The following WDPCP variants were observed in gnomAD, a reference collection of about 807,000 sequenced individuals.
WDPCP encodes the protein WD repeat-containing and planar cell polarity effector protein fritz homolog.
WDPCP carries 71 observed loss-of-function variants against 93.1 expected under a neutral mutation model. The observed-to-expected ratio is 0.76, with a 90% CI of 0.63 to 0.93. The LOEUF (loss-of-function observed/expected upper bound fraction) is 0.93, where lower values mean the gene tolerates loss of function less well. WDPCP is among the 40% of genes least tolerant of loss of function. The probability of loss-of-function intolerance (pLI) is 0.00; values close to 1 mark genes in which losing one functional copy is unlikely to be tolerated. For synonymous variants in WDPCP, 315 were observed against 315.0 expected (o/e 1.00, Z 0.00); for missense variants, 844 against 887.4 (o/e 0.95, Z 0.62).
In WDPCP at chr2:63,700,315, AAAG is replaced by A. The variant is rs1669028940; in HGVS notation, n.309-49480_309-49478del. On this transcript the variant is annotated intron_variant and non_coding_transcript_variant, in intron 2 of 4. Coordinates refer to the WDPCP transcript ENST00000467687. ...AAAAAAAAAAAAAACAAAAAGAAAA[AAAG>A]AAAAAAATGCTGTGCTAGAGCTACT... 2.0e-5 allele frequency among the ~76,000 whole-genome samples: 3 copies of A among 151,562 alleles called. 1 individual carries two copies. In the South Asian group the frequency reaches 6.3e-4, roughly 32 times the overall value.
At chr2:63,762,478 TTTAGTCCCA>T (rs1415393400) in intron 2 of WDPCP, among the ~76,000 whole-genome samples, 20 of 152,298 alleles carry the variant, frequency 1.3e-4, no homozygotes, top group African/African-American at 4.8e-4. Context: ...ATGTATGGTC[TTTAGTCCCA>T]TTTTCTGTTG....
intron 2 of WDPCP, among the ~76,000 whole-genome samples, chr2:63,668,707 G>A (rs183794355): frequency 1.1e-3 from 170 of 152,238 alleles, no homozygotes; most frequent in African/African-American, 3.9e-3. Flanking sequence ...GCTTTCCAGG[G>A]TAAACTGAAG....
chr2:63,278,480 G>C (rs1683253046), intron 13 of WDPCP, among the ~76,000 whole-genome samples: 1 of 152,068 alleles, frequency 6.6e-6, no homozygotes, highest in African/African-American at 2.4e-5. Context: ...AAAACAAAAA[G>C]CTGTTTCTTT....
At chr2:63,441,638 A>C (rs1697512135) in intron 6 of WDPCP, 1 of 143,440 alleles carries the variant, frequency 7.0e-6, no homozygotes, top group South Asian at 2.2e-4. Flanking sequence ...TTGCAGTTAC[A>C]AAAAAAAAAA....
chr2:63,586,665 G>A (rs72806040), intron 1 of WDPCP, among the ~76,000 whole-genome samples: 30 of 152,236 alleles, frequency 2.0e-4, no homozygotes, highest in Non-Finnish European at 3.8e-4. Context: ...ATTTACAAGG[G>A]CAACTAGCAA....
chr2:63,267,939 A>G (rs539814896), intron 13 of WDPCP, among the ~76,000 whole-genome samples: 14 of 152,242 alleles, frequency 9.2e-5, no homozygotes, highest in Admixed American at 2.0e-4. Context: ...AAAACTAAAA[A>G]CACCATATGA....
At chr2:63,338,186 G>A (rs1204408118) in intron 12 of WDPCP, among the ~76,000 whole-genome samples, 1 of 152,082 alleles carries the variant, frequency 6.6e-6, no homozygotes, top group Non-Finnish European at 1.5e-5. Flanking sequence ...TATGGTGAGA[G>A]ATGGGGTCTA....
chr2:63,533,335 A>C (rs776805615), intron 1 of WDPCP, among the ~76,000 whole-genome samples: 5 of 152,310 alleles, frequency 3.3e-5, no homozygotes, highest in Middle Eastern at 3.4e-3. Context: ...CCAGGACCTG[A>C]ACACAGTTCT....
intron 3 of WDPCP, among the ~76,000 whole-genome samples, chr2:63,649,291 G>T (rs1002722718): frequency 6.6e-6 from 1 of 152,254 alleles, no homozygotes; most frequent in South Asian, 2.1e-4. Context: ...TCATTTAAAT[G>T]GAATCATACA....
At chr2:63,613,231 T>C (rs1709633740) in intron 3 of WDPCP, among the ~76,000 whole-genome samples, 1 of 152,250 alleles carries the variant, frequency 6.6e-6, no homozygotes, top group Admixed American at 6.5e-5. Context: ...GTCTTAAGAC[T>C]AGTCCTCCAG....
At chr2:63,690,333 T>C (rs1329886568) in intron 2 of WDPCP, among the ~76,000 whole-genome samples, 1 of 152,192 alleles carries the variant, frequency 6.6e-6, no homozygotes, top group African/African-American at 2.4e-5. Context: ...CACAATGAAG[T>C]TAAGTGATTT....
intron 14 of WDPCP, among the ~76,000 whole-genome samples, chr2:63,189,483 C>T (rs1339422010): frequency 1.3e-5 from 2 of 152,216 alleles, no homozygotes; most frequent in East Asian, 3.9e-4. Flanking sequence ...GATTTGTCTC[C>T]ATAGAAAAAT....
At chr2:63,448,506 A>G (rs1209675306) in intron 6 of WDPCP, among the ~76,000 whole-genome samples, 1 of 151,942 alleles carries the variant, frequency 6.6e-6, no homozygotes, top group East Asian at 1.9e-4. Context: ...CTCATTTATC[A>G]GCATAGAGTA....
intron 1 of WDPCP, among the ~76,000 whole-genome samples, chr2:63,554,043 G>A (rs552922307): frequency 6.6e-6 from 1 of 152,188 alleles, no homozygotes; most frequent in African/African-American, 2.4e-5. Context: ...TTAAACCAGA[G>A]ACCAAATGCC....
At chr2:63,345,781 C>G (rs1558499133) in intron 12 of WDPCP, among the ~76,000 whole-genome samples, 1 of 152,146 alleles carries the variant, frequency 6.6e-6, no homozygotes, top group Non-Finnish European at 1.5e-5. Context: ...ACTCTTGAAT[C>G]TGAGCCAGCA....
At chr2:63,567,984 A>G (rs1707201857) in intron 1 of WDPCP, among the ~76,000 whole-genome samples, 1 of 152,250 alleles carries the variant, frequency 6.6e-6, no homozygotes, top group Admixed American at 6.5e-5. Flanking sequence ...TAAGTGTACA[A>G]ATGGGTATCC....
Position 63,172,038 on chromosome 2 carries a change from G to A in WDPCP, c.2078+2632C>T, listed in dbSNP as rs374698171. Among the ~76,000 whole-genome samples, 25 of 152,304 alleles carry A rather than the reference G, an allele frequency of 1.6e-4. 1 individual carries two copies. In the South Asian group the frequency reaches 5.0e-3, roughly 30 times the overall value. On this transcript the variant is annotated intron_variant, in intron 15 of 17. Coordinates refer to ENST00000272321, the MANE Select transcript of WDPCP (RefSeq NM_015910.7). ...GCAGAGCAATGTTTGCCTCAGGCTGGGTTAGGAGAGTGGAAATTGGGCATA... is the reference window on the plus strand; with the variant it reads ...GCAGAGCAATGTTTGCCTCAGGCTGAGTTAGGAGAGTGGAAATTGGGCATA...
At chr2:63,380,057 C>CTA (rs1165068124) in intron 11 of WDPCP, among the ~76,000 whole-genome samples, 1 of 152,046 alleles carries the variant, frequency 6.6e-6, no homozygotes, top group Non-Finnish European at 1.5e-5. Flanking sequence ...ATAATCTTTC[C>CTA]TATAACACAG....
intron 14 of WDPCP, among the ~76,000 whole-genome samples, chr2:63,209,860 C>T (rs542464353): frequency 5.3e-5 from 8 of 152,130 alleles, no homozygotes; most frequent in African/African-American, 9.6e-5. Context: ...TGACATATAG[C>T]GTTCCAAAAT....
Sources: allele counts gnomAD v4.1 joint callset (sites outside exome capture counted in the v4.1 genomes callset), GRCh38; gene constraint gnomAD v4.1.1; transcripts MANE v1.5; gene names NCBI Gene and HGNC (gene_info 2026-07-23, HGNC 2026-07-21).